CASS4: variants seen among roughly 807,000 people sequenced by gnomAD.
CASS4 encodes the protein Cas scaffold protein family member 4.
CASS4 carries 22 observed loss-of-function variants against 54.2 expected under a neutral mutation model. The ratio of observed to expected loss-of-function variants is 0.41; its 90% CI spans 0.29 to 0.58. The LOEUF (loss-of-function observed/expected upper bound fraction) is 0.58, where lower values mean the gene tolerates loss of function less well. Ranked by LOEUF, CASS4 falls within the 20% of genes least tolerant of loss-of-function variation. The probability of loss-of-function intolerance (pLI) is 0.36; values close to 1 mark genes in which losing one functional copy is unlikely to be tolerated. For missense variants in CASS4, 854 were observed against 986.7 expected, an observed-to-expected ratio of 0.87 and a Z score of 1.80; for synonymous variants, 409 against 391.5, an observed-to-expected ratio of 1.04 and a Z score of -0.53.
intron 1 of CASS4, among the ~76,000 whole-genome samples, chr20:56,422,096 A>G (rs1339285958): frequency 6.6e-6 from 1 of 152,222 alleles, no homozygotes; most frequent in Non-Finnish European, 1.5e-5. Context: ...TTCATGAGCA[A>G]GGGTGAAATT....
intron 1 of CASS4, among the ~76,000 whole-genome samples, chr20:56,425,303 A>G (rs974300898): frequency 2.0e-5 from 3 of 152,206 alleles, no homozygotes; most frequent in South Asian, 4.1e-4. Context: ...TGTGACTCTT[A>G]ATGCACCTGC....
chr20:56,413,695 A>AAAATTTT (rs1157987001), intron 1 of CASS4, among the ~76,000 whole-genome samples: 4 of 151,020 alleles, frequency 2.6e-5, no homozygotes, highest in East Asian at 1.9e-4. Context: ...AAAAAAAAAA[A>AAAATTTT]AAAAGTCACT....
rs751489871 is a variant in CASS4, at chr20:56,452,463, A to G, written c.1287A>G (p.Ser429=). The change falls in exon 5 of 6, where the codon TCA becomes TCG. Residue 429 remains serine, a synonymous_variant. Coordinates refer to ENST00000679887, the MANE Select transcript of CASS4 (RefSeq NM_020356.4). ...CCTCCAGCTCTTCCTCGGAGGAGTC[A>G]GCAAAGGAGCTCTCCTTGGACCTGG... ...DDSSSSSSEE[S]AKELSLDLDV... The G allele has an allele frequency of 1.2e-6, 2 of 1,613,858 alleles. No homozygotes were observed. The highest frequency in any genetic ancestry group is 1.7e-5 in the Admixed American group (1 of 60,002).
At chr20:56,421,600 G>A (rs1979414784) in intron 1 of CASS4, among the ~76,000 whole-genome samples, 1 of 152,172 alleles carries the variant, frequency 6.6e-6, no homozygotes, top group Non-Finnish European at 1.5e-5. Context: ...AAAGGCTGAG[G>A]TGGGAGGATC....
In CASS4 at chr20:56,452,571, G is replaced by A. The variant is rs1464199118; in HGVS notation, c.1395G>A (p.Lys465=). The A allele has an allele frequency of 6.2e-7, 1 of 1,614,078 alleles. No individual in the cohort carries two copies. The highest frequency in any genetic ancestry group is 2.2e-5 in the East Asian group (1 of 44,894). ...VAGLMLFVSR[K]WRFRDYLEAN... ...GCCTGATGCTCTTTGTCAGCAGGAA[G>A]TGGAGATTCCGAGACTATCTGGAGG... The change falls in exon 5 of 6, where the codon AAG becomes AAA. Residue 465 remains lysine (K), a synonymous_variant. Coordinates refer to ENST00000679887, the MANE Select transcript of CASS4 (RefSeq NM_020356.4).
chr20:56,458,585 C>A lies in CASS4; in HGVS notation c.2199C>A (p.Ile733=), dbSNP rs374389367. 6.8e-6 allele frequency: 11 copies of A among 1,613,938 alleles called. No individual in the cohort carries two copies. The highest frequency in any genetic ancestry group is 3.3e-5 in the Admixed American group (2 of 59,978). ...AGGAGAGGGACGTGCGCAACGAGAT[C>A]CTCCGTGGCAGCAGTCACCTCTGCA... is the stretch of plus-strand genomic sequence containing the variant. ...ETQERDVRNE[I]LRGSSHLCSL... is the part of the protein sequence containing the mutation. Residue 733 remains isoleucine (I), a synonymous_variant, in exon 6 of 6, where the codon ATC becomes ATA. Coordinates refer to ENST00000679887, the MANE Select transcript of CASS4 (RefSeq NM_020356.4).
At position 56,458,666 on chromosome 20, in the gene CASS4, C is replaced by T. The variant is rs367891442; in HGVS notation, c.2280C>T (p.Ser760=). The change falls in exon 6 of 6, where the codon AGC becomes AGT. Residue 760 remains serine (S), a synonymous_variant. Coordinates refer to ENST00000679887, the MANE Select transcript of CASS4 (RefSeq NM_020356.4). ...ATKNAVLTYP[S]PAALGHLQAE... ...AGAATGCCGTGCTCACGTACCCCAG[C>T]CCTGCCGCGCTGGGGCACCTCCAGG... 2.5e-6 allele frequency: 4 copies of T among 1,613,098 alleles called. No individual in the cohort carries two copies. Among genetic ancestry groups the T allele is most frequent in the Non-Finnish European group, 3.4e-6 (4 of 1,179,778 alleles).
At chr20:56,432,346 T>C (rs1979945758) in intron 1 of CASS4, among the ~76,000 whole-genome samples, 1 of 151,030 alleles carries the variant, frequency 6.6e-6, no homozygotes, top group Non-Finnish European at 1.5e-5. Context: ...CATGTAAGTT[T>C]CATAAGTCCT....
intron 3 of CASS4, among the ~76,000 whole-genome samples, chr20:56,446,487 G>A (rs1345124619): frequency 1.3e-5 from 2 of 151,882 alleles, no homozygotes; most frequent in Non-Finnish European, 2.9e-5. Context: ...GTCTTAACAC[G>A]GATTATCACT....
chr20:56,456,363 G>A (rs559005334), intron 5 of CASS4, among the ~76,000 whole-genome samples: 82 of 143,594 alleles, frequency 5.7e-4, no homozygotes, highest in Non-Finnish European at 8.8e-4. Flanking sequence ...ATTACTTCTC[G>A]TTATTTCTAA....
intron 1 of CASS4, among the ~76,000 whole-genome samples, chr20:56,429,195 C>T (rs1483372306): frequency 2.0e-5 from 3 of 152,188 alleles, no homozygotes; most frequent in Middle Eastern, 6.3e-3. Flanking sequence ...GCCATGCCTG[C>T]GGATGTCTCT....
chr20:56,427,845 T>C (rs1037191172), intron 1 of CASS4, among the ~76,000 whole-genome samples: 1 of 152,228 alleles, frequency 6.6e-6, no homozygotes, highest in African/African-American at 2.4e-5. Flanking sequence ...CTAAGAATTC[T>C]TGGAAGTAAG....
Position 56,452,068 on chromosome 20 carries a change from G to A in CASS4, c.892G>A (p.Val298Met), listed in dbSNP as rs1452587437. ...CCTCACTCCACAACTGAATAACAAT[G>A]TGCCCATGCAGAAAAAACTCAGCCT... ...RSLTPQLNNNVPMQKKLSLPE... is the reference protein window; with the variant it reads ...RSLTPQLNNNMPMQKKLSLPE... The change falls in exon 5 of 6, where the codon GTG becomes ATG. Residue 298 changes from valine to methionine, a missense_variant. By Grantham distance (21) the Val-to-Met change is conservative. Transcript: ENST00000679887. The A allele has an allele frequency of 6.2e-7, 1 of 1,614,048 alleles. No individual in the cohort carries two copies. The highest frequency in any genetic ancestry group is 1.1e-5 in the South Asian group (1 of 91,086).
At chr20:56,417,481 A>C (rs1405667876) in intron 1 of CASS4, among the ~76,000 whole-genome samples, 1 of 152,060 alleles carries the variant, frequency 6.6e-6, no homozygotes, top group Non-Finnish European at 1.5e-5. Flanking sequence ...ACTCTCATCT[A>C]TCTTACCTTC....
Position 56,459,547 on chromosome 20 carries a change from G to A in CASS4, c.*800G>A. ...CGATTTTGTTTTAATTTCTCGGTCA[G>A]GAATCACTTAATCCTGGAAGTCTTA... On this transcript the variant is annotated 3_prime_UTR_variant, in exon 6 of 6. Coordinates refer to ENST00000679887, the MANE Select transcript of CASS4 (RefSeq NM_020356.4). 4.5e-6 allele frequency: 1 copy of A among 222,172 alleles called. No homozygotes were observed. Among genetic ancestry groups the A allele is most frequent in the South Asian group, 7.3e-5 (1 of 13,616 alleles). 13.8% of individuals were successfully genotyped at this position (222,172 alleles called of 1,614,324 possible).
chr20:56,438,205 G>A (rs996457491), intron 2 of CASS4, among the ~76,000 whole-genome samples: 3 of 151,638 alleles, frequency 2.0e-5, no homozygotes, highest in Non-Finnish European at 4.4e-5. Flanking sequence ...CAGGAGGATC[G>A]GTTGAGCCCA....
intron 3 of CASS4, 78 bp downstream of exon 3, chr20:56,446,079 T>C: frequency 1.0e-6 from 1 of 956,312 alleles, no homozygotes; most frequent in East Asian, 2.5e-5. Flanking sequence ...ATGCCCACAT[T>C]GCATTTCAGC....
rs1021540350 is a variant in CASS4 at position 56,445,231 on chromosome 20, C to T, written c.460-669C>T. The stretch of plus-strand genomic sequence containing the variant: ...AACCTTTCCCACTCCACCTCTCCCT[C>T]CTCCCCTCCCTCGCTCCTCTCCATC... On this transcript the variant is annotated intron_variant, in intron 2 of 5. Transcript: ENST00000679887. 1.2e-4 allele frequency among the ~76,000 whole-genome samples: 18 copies of T among 152,172 alleles called. 1 individual carries two copies. Among genetic ancestry groups the T allele is most frequent in the African/African-American group, 4.3e-4 (18 of 41,434 alleles).
intron 1 of CASS4, among the ~76,000 whole-genome samples, chr20:56,413,794 A>G (rs1009622466): frequency 6.6e-6 from 1 of 152,022 alleles, no homozygotes; most frequent in Non-Finnish European, 1.5e-5. Flanking sequence ...TTTGTCCCCA[A>G]CTACTTACTT....
Sources: allele counts gnomAD v4.1 joint callset (sites outside exome capture counted in the v4.1 genomes callset), GRCh38; gene constraint gnomAD v4.1.1; transcripts MANE v1.5; gene names NCBI Gene and HGNC (gene_info 2026-07-23, HGNC 2026-07-21).